The following STXBP6 variants were observed in gnomAD, a reference collection of about 807,000 sequenced individuals.
STXBP6 encodes syntaxin-binding protein 6.
A neutral mutation model predicts 26.9 loss-of-function variants in STXBP6; 21 were observed. That is an observed-to-expected ratio of 0.78 (90% CI 0.55 to 1.12). The LOEUF is 1.12. Ranked by LOEUF, STXBP6 falls within the 50% of genes most tolerant of loss-of-function variation. The pLI is 0.00. For synonymous variants in STXBP6, 97 were observed against 92.6 expected (o/e 1.05, Z -0.27); for missense variants, 232 against 257.9 (o/e 0.90, Z 0.69).
At chr14:24,889,872 C>G (rs1245003543) in intron 2 of STXBP6, among the ~76,000 whole-genome samples, 1 of 152,214 alleles carries the variant, frequency 6.6e-6, no homozygotes, top group Non-Finnish European at 1.5e-5. Context: ...ATCTCTAAGA[C>G]AGCTAAAGAA....
intron 2 of STXBP6, among the ~76,000 whole-genome samples, chr14:24,919,897 G>C (rs1232259820): frequency 6.6e-6 from 1 of 151,978 alleles, no homozygotes; most frequent in African/African-American, 2.4e-5. Context: ...ATAATAAAGA[G>C]AGAAACAGCT....
chr14:24,852,235 A>C (rs1008212801), intron 4 of STXBP6, among the ~76,000 whole-genome samples: 5 of 152,172 alleles, frequency 3.3e-5, no homozygotes, highest in African/African-American at 1.2e-4. Flanking sequence ...GGAATGTTAA[A>C]TGTACCTTTC....
chr14:25,041,105 T>A (rs867791159), intron 1 of STXBP6, among the ~76,000 whole-genome samples: 2 of 152,032 alleles, frequency 1.3e-5, no homozygotes, highest in African/African-American at 4.8e-5. Context: ...GTGGATCACC[T>A]AGGTCAGGAG....
chr14:24,822,637 G>A lies in STXBP6; in HGVS notation c.452-3443C>T, dbSNP rs533407437. On this transcript the variant is annotated intron_variant, in intron 4 of 5. Coordinates refer to ENST00000323944, the MANE Select transcript of STXBP6 (RefSeq NM_001394410.1). Reference sequence around the variant, plus strand: ...CTACTGTGGAGATGAAGATGTACACGCAGTGTCTCCAGGTACTCAATGGAA... The same window carrying A: ...CTACTGTGGAGATGAAGATGTACACACAGTGTCTCCAGGTACTCAATGGAA... Among the ~76,000 whole-genome samples the A allele has an allele frequency of 3.1e-4, 47 of 152,092 alleles. No homozygotes were observed. In the South Asian group the frequency reaches 8.8e-3, roughly 28 times the overall value.
intron 2 of STXBP6, among the ~76,000 whole-genome samples, chr14:24,971,977 T>A (rs1028983156): frequency 6.6e-6 from 1 of 152,196 alleles, no homozygotes; most frequent in African/African-American, 2.4e-5. Flanking sequence ...CATTACCTTA[T>A]CAGGGATGTA....
intron 4 of STXBP6, among the ~76,000 whole-genome samples, chr14:24,822,145 T>C (rs1220581034): frequency 6.6e-6 from 1 of 152,094 alleles, no homozygotes; most frequent in Non-Finnish European, 1.5e-5. Context: ...AGTCAAAACC[T>C]CAACTCATTA....
intron 2 of STXBP6, among the ~76,000 whole-genome samples, chr14:24,957,264 T>C (rs4983042): frequency 0.5 from 75,295 of 151,754 alleles, 19,172 homozygotes; most frequent in African/African-American, 0.62. Context: ...ACCTGGCATA[T>C]TGAAGGACAC....
intron 2 of STXBP6, among the ~76,000 whole-genome samples, chr14:24,876,811 A>T (rs1415017013): frequency 6.6e-6 from 1 of 152,254 alleles, no homozygotes; most frequent in Admixed American, 6.5e-5. Flanking sequence ...GTTTAAGAAC[A>T]TTAAAAATTA....
At chr14:24,911,144 G>A (rs2071556696) in intron 2 of STXBP6, among the ~76,000 whole-genome samples, 1 of 152,018 alleles carries the variant, frequency 6.6e-6, no homozygotes, top group South Asian at 2.1e-4. Flanking sequence ...GGGCAACATA[G>A]TGAGACTTTG....
Position 25,049,260 on chromosome 14 carries a change from C to A in STXBP6, c.-33+618G>T. 1 of 985,450 alleles carries A rather than the reference C, an allele frequency of 1.0e-6. No individual in the cohort carries two copies. Among genetic ancestry groups the A allele is most frequent in the Non-Finnish European group, 1.2e-6 (1 of 829,962 alleles). The allele number at this position is 985,450 out of a possible 1,614,324, so 61.0% of individuals were successfully genotyped here. A position where few individuals can be genotyped will look rare whatever the true frequency, so the allele number is the denominator to read the frequency against. On this transcript the variant is annotated intron_variant, in intron 1 of 5. Transcript: ENST00000323944. The surrounding 1 kb of genome is among the most constrained non-coding windows in gnomAD (Gnocchi z 5.6). Reference sequence around the variant, plus strand: ...TGGTGAGGCTCGATGCCGGCGTGCACGGCAAGCGCGAATTCGGAACCTGGC... The same window carrying A: ...TGGTGAGGCTCGATGCCGGCGTGCAAGGCAAGCGCGAATTCGGAACCTGGC...
At chr14:25,042,824 A>G (rs2075664957) in intron 1 of STXBP6, among the ~76,000 whole-genome samples, 1 of 152,226 alleles carries the variant, frequency 6.6e-6, no homozygotes, top group South Asian at 2.1e-4. Context: ...TAAAGAGAGA[A>G]GAATGTCTAC....
At chr14:24,931,661 G>T (rs186617428) in intron 2 of STXBP6, among the ~76,000 whole-genome samples, 91 of 152,290 alleles carry the variant, frequency 6.0e-4, no homozygotes, top group African/African-American at 2.1e-3. Flanking sequence ...ATATTATAGT[G>T]AGGAGAGGGT....
chr14:24,867,040 T>C (rs1320243325), intron 2 of STXBP6, among the ~76,000 whole-genome samples: 1 of 152,146 alleles, frequency 6.6e-6, no homozygotes, highest in African/African-American at 2.4e-5. Context: ...TGGTTGATGG[T>C]TACTCTGCAA....
intron 2 of STXBP6, among the ~76,000 whole-genome samples, chr14:24,861,516 T>C (rs1186506054): frequency 6.6e-6 from 1 of 152,148 alleles, no homozygotes; most frequent in Non-Finnish European, 1.5e-5. Context: ...TTACTGTTCT[T>C]CCAAAGCTCT....
At chr14:24,900,579 AAAT>A (rs2071174755) in intron 2 of STXBP6, among the ~76,000 whole-genome samples, 1 of 152,202 alleles carries the variant, frequency 6.6e-6, no homozygotes, top group Non-Finnish European at 1.5e-5. Flanking sequence ...GCTCTACACC[AAAT>A]AACTGGGCTA....
rs1402055463 is a variant in STXBP6 at position 25,049,935 on chromosome 14, G to C, written c.-90C>G. On this transcript the variant is annotated 5_prime_UTR_variant, in exon 1 of 6. Coordinates refer to ENST00000323944, the MANE Select transcript of STXBP6 (RefSeq NM_001394410.1). The surrounding 1 kb of genome is among the most constrained non-coding windows in gnomAD (Gnocchi z 5.6). ...GTGCGCGGCACGCGTCCCAGAGCAC[G>C]AGGCTCCTCCCCGGGGGGCTGCCCC... 10 of 951,716 alleles carry C rather than the reference G, an allele frequency of 1.1e-5. No homozygotes were observed. The highest frequency in any genetic ancestry group is 1.3e-5 in the Non-Finnish European group (10 of 799,548). 59.0% of individuals were successfully genotyped at this position (951,716 alleles called of 1,614,324 possible).
chr14:24,844,659 C>T (rs1957760), intron 4 of STXBP6, among the ~76,000 whole-genome samples: 28,189 of 152,090 alleles, frequency 0.19, 3,476 homozygotes, highest in Admixed American at 0.35. Flanking sequence ...AATAATTCAA[C>T]GGTATAGTGA....
chr14:24,889,901 TTTCAGTA>T (rs1302397126), intron 2 of STXBP6, among the ~76,000 whole-genome samples: 6 of 152,248 alleles, frequency 3.9e-5, no homozygotes, highest in Non-Finnish European at 8.8e-5. Context: ...GAAGTTGAGC[TTTCAGTA>T]CAACTCCCCA....
chr14:25,023,690 G>A (rs1181275927), intron 1 of STXBP6, among the ~76,000 whole-genome samples: 2 of 152,114 alleles, frequency 1.3e-5, no homozygotes, highest in African/African-American at 4.8e-5. Flanking sequence ...TGGCTACTCA[G>A]GAGGCTGAGG....
Sources: allele counts gnomAD v4.1 joint callset (sites outside exome capture counted in the v4.1 genomes callset), GRCh38; gene constraint gnomAD v4.1.1; non-coding constraint Gnocchi (gnomAD v3.1); transcripts MANE v1.5; gene names NCBI Gene and HGNC (gene_info 2026-07-23, HGNC 2026-07-21).